Variants in DLGAP2 observed in about 807,000 individuals in gnomAD.
DLGAP2 encodes the protein DLG associated protein 2, also known as disks large-associated protein 2.
Under a neutral mutation model 100.3 loss-of-function variants are expected in DLGAP2, and 26 were observed. The ratio of observed to expected loss-of-function variants is 0.26; its 90% CI spans 0.19 to 0.36. DLGAP2 has a LOEUF of 0.36. DLGAP2 is among the 10% of genes least tolerant of loss of function. The pLI, the probability that DLGAP2 is intolerant of heterozygous loss-of-function variation, is 1.00. For synonymous variants in DLGAP2, 886 were observed against 630.1 expected (o/e 1.41, Z -6.08); for missense variants, 1,858 against 1,453.2 (o/e 1.28, Z -4.53).
chr8:1,069,063 C>G (rs143661164), intron 2 of DLGAP2, among the ~76,000 whole-genome samples: 4 of 152,148 alleles, frequency 2.6e-5, no homozygotes, highest in Admixed American at 1.3e-4. Flanking sequence ...CTGAAGTTGG[C>G]GGGTAGCACT....
intron 13 of DLGAP2, among the ~76,000 whole-genome samples, chr8:1,694,320 G>A (rs923324757): frequency 2.6e-5 from 4 of 152,206 alleles, no homozygotes; most frequent in African/African-American, 9.7e-5. Flanking sequence ...GGTCCGCAGC[G>A]CAAAGTAGCA....
chr8:1,376,703 TACC>T lies in DLGAP2; in HGVS notation c.106+117821_106+117823del, dbSNP rs1472344550. Among the ~76,000 whole-genome samples, 303 of 125,374 alleles carry T rather than the reference TACC, an allele frequency of 2.4e-3. 17 individuals carry two copies. In the East Asian group the frequency reaches 0.057, roughly 24 times the overall value. The allele number at this position is 125,374 out of a possible 152,430, so 82.3% of individuals were successfully genotyped here. On this transcript the variant is annotated intron_variant, in intron 3 of 14. Coordinates refer to ENST00000637795, the MANE Select transcript of DLGAP2 (RefSeq NM_001346810.2). ...CATCGGCGGATGGCGGGGACAGGGC[TACC>T]GAGACCCTCAACCTGAGCCCGGTGG...
At chr8:737,977 C>T (rs920152483) in intron 1 of DLGAP2, 152 bp downstream of exon 1, 6 of 329,852 alleles carry the variant, frequency 1.8e-5, no homozygotes, top group Non-Finnish European at 3.3e-5. Context: ...CCGCCGGGGC[C>T]GGAGCGCTGG....
rs1019532443 is a variant in DLGAP2 at position 1,646,679 on chromosome 8, G to A, written c.1810+13633G>A. On this transcript the variant is annotated intron_variant, in intron 8 of 14. Transcript: ENST00000637795. ...GGGAATGTTCATTAAAATAAAGGCC[G>A]CTGTCTCAGTGTCAATGTGCTGTTT... 5.9e-5 allele frequency among the ~76,000 whole-genome samples: 9 copies of A among 152,124 alleles called. No individual in the cohort carries two copies. The South Asian group carries it at 1.2e-3, about 21-fold the overall frequency.
chr8:1,251,404 T>A (rs977811886), intron 2 of DLGAP2, among the ~76,000 whole-genome samples: 50 of 152,240 alleles, frequency 3.3e-4, no homozygotes, highest in African/African-American at 1.0e-3. Context: ...GTTTTCCATT[T>A]GAGCAGATAA....
At chr8:1,515,433 C>G (rs1049644172) in intron 4 of DLGAP2, among the ~76,000 whole-genome samples, 2 of 146,652 alleles carry the variant, frequency 1.4e-5, no homozygotes, top group African/African-American at 5.1e-5. Context: ...CACGCAGACA[C>G]ATGCACACAC....
At chr8:1,097,065 CCTCCAG>C (rs1393129690) in intron 2 of DLGAP2, among the ~76,000 whole-genome samples, 1 of 140,190 alleles carries the variant, frequency 7.1e-6, no homozygotes, top group Non-Finnish European at 1.5e-5. Flanking sequence ...GGAGAGGTCC[CCTCCAG>C]TGTGAGACCC....
chr8:1,050,632 C>T (rs953537650), intron 2 of DLGAP2, among the ~76,000 whole-genome samples: 1 of 152,202 alleles, frequency 6.6e-6, no homozygotes, highest in African/African-American at 2.4e-5. Flanking sequence ...CTAATTGCAT[C>T]CCATGTACAT....
chr8:1,124,018 T>TA (rs35357883), intron 2 of DLGAP2, among the ~76,000 whole-genome samples: 42,634 of 151,860 alleles, frequency 0.28, 6,905 homozygotes, highest in Non-Finnish European at 0.38. Flanking sequence ...GTGGTATTCT[T>TA]AAAAAAAATT....
chr8:995,530 T>C (rs1288828251), intron 2 of DLGAP2, among the ~76,000 whole-genome samples: 1 of 152,228 alleles, frequency 6.6e-6, no homozygotes, highest in Non-Finnish European at 1.5e-5. Flanking sequence ...CATATATGCA[T>C]AACCATAGCC....
chr8:1,173,646 C>G (rs1271817218), intron 2 of DLGAP2, among the ~76,000 whole-genome samples: 1 of 152,172 alleles, frequency 6.6e-6, no homozygotes, highest in Non-Finnish European at 1.5e-5. Flanking sequence ...GCTGTGCTAG[C>G]AATCAGCAAG....
At chr8:1,476,969 G>A (rs1330520015) in intron 3 of DLGAP2, among the ~76,000 whole-genome samples, 2 of 152,090 alleles carry the variant, frequency 1.3e-5, no homozygotes, top group Admixed American at 6.6e-5. Context: ...GACGGACATT[G>A]TGATCTGTAT....
intron 4 of DLGAP2, among the ~76,000 whole-genome samples, chr8:1,503,518 C>T (rs527378316): frequency 2.6e-5 from 4 of 152,244 alleles, no homozygotes; most frequent in East Asian, 1.9e-4. Flanking sequence ...TCCATTCCTC[C>T]GTGGACAGAC....
intron 2 of DLGAP2, among the ~76,000 whole-genome samples, chr8:966,319 A>G (rs1799869906): frequency 6.6e-6 from 1 of 152,218 alleles, no homozygotes; most frequent in Non-Finnish European, 1.5e-5. Context: ...ACTTGATCAG[A>G]AAGAGAAAAC....
chr8:1,205,446 A>G (rs905407615), intron 2 of DLGAP2, among the ~76,000 whole-genome samples: 4 of 152,174 alleles, frequency 2.6e-5, no homozygotes, highest in African/African-American at 9.7e-5. Context: ...CTCTAGAAAC[A>G]CGTGACGTCA....
intron 6 of DLGAP2, among the ~76,000 whole-genome samples, chr8:1,618,078 A>C (rs1264385964): frequency 6.6e-6 from 1 of 152,194 alleles, no homozygotes; most frequent in Admixed American, 6.5e-5. Flanking sequence ...TCCTCTACTT[A>C]ACATTCTAAT....
At chr8:1,314,218 G>T (rs556532550) in intron 3 of DLGAP2, among the ~76,000 whole-genome samples, 4 of 152,314 alleles carry the variant, frequency 2.6e-5, no homozygotes, top group South Asian at 4.1e-4. Context: ...AGACGTTTCA[G>T]TTATCCGTTT....
chr8:1,299,524 G>A (rs1412575632), intron 3 of DLGAP2, among the ~76,000 whole-genome samples: 1 of 152,166 alleles, frequency 6.6e-6, no homozygotes, highest in African/African-American at 2.4e-5. Context: ...AGGGAGGAAC[G>A]GTCCATGCCA....
chr8:1,055,406 T>C (rs1802849471), intron 2 of DLGAP2, among the ~76,000 whole-genome samples: 1 of 152,240 alleles, frequency 6.6e-6, no homozygotes, highest in South Asian at 2.1e-4. Context: ...CTGCTCTAAA[T>C]ATTAATGTAA....
Sources: gnomAD v4.1 joint callset for allele counts (sites outside exome capture counted in the v4.1 genomes callset) on GRCh38, gnomAD v4.1.1 for gene constraint, MANE v1.5 for transcripts, NCBI Gene and HGNC (gene_info 2026-07-23, HGNC 2026-07-21) for gene names.